The following SNRNP48 variants were observed in gnomAD, a reference collection of about 807,000 sequenced individuals.
The protein encoded by SNRNP48 is small nuclear ribonucleoprotein U11/U12 subunit 48.
In SNRNP48, 43 loss-of-function variants were observed where a neutral mutation model predicts 47.0. The ratio of observed to expected loss-of-function variants is 0.92; its 90% CI spans 0.72 to 1.18. SNRNP48 has a LOEUF of 1.18. Ranked by LOEUF, SNRNP48 falls within the 50% of genes most tolerant of loss-of-function variation. SNRNP48 has a pLI of 0.00. For synonymous variants in SNRNP48, 138 were observed against 144.0 expected (o/e 0.96, Z 0.30); for missense variants, 396 against 422.2 (o/e 0.94, Z 0.54).
chr6:7,604,702 C>A (rs1054631367), intron 6 of SNRNP48, among the ~76,000 whole-genome samples: 2 of 152,124 alleles, frequency 1.3e-5, no homozygotes, highest in African/African-American at 2.4e-5. Flanking sequence ...CAGTGACTAA[C>A]CCTGTGCTTG....
chr6:7,608,221 T>C (rs980274804), intron 8 of SNRNP48, among the ~76,000 whole-genome samples: 1 of 152,078 alleles, frequency 6.6e-6, no homozygotes, highest in Non-Finnish European at 1.5e-5. Context: ...CGAATTAAAG[T>C]GTTTTTTTTT....
At position 7,590,299 on chromosome 6, in the gene SNRNP48, G is replaced by C; in HGVS notation, c.42G>C (p.Leu14=). The change falls in exon 1 of 9, where the codon CTG becomes CTC. Residue 14 remains leucine, a synonymous_variant. Coordinates refer to ENST00000342415, the MANE Select transcript of SNRNP48 (RefSeq NM_152551.4). ...CACCTGTGGAGGAGCGGCGGCGGCT[G>C]CAGGAGGAGCTGAACGAGTTCGTGG... is the stretch of plus-strand genomic sequence containing the variant. ...EPPPVEERRR[L]QEELNEFVES... 1 of 1,379,364 alleles carries C rather than the reference G, an allele frequency of 7.2e-7. No individual in the cohort carries two copies. Among genetic ancestry groups the C allele is most frequent in the East Asian group, 2.8e-5 (1 of 36,112 alleles). 85.4% of individuals were successfully genotyped at this position (1,379,364 alleles called of 1,614,324 possible). A position where few individuals can be genotyped will look rare whatever the true frequency, so the allele number is the denominator to read the frequency against.
chr6:7,604,034 T>C (rs1760081654), intron 6 of SNRNP48, among the ~76,000 whole-genome samples: 1 of 152,138 alleles, frequency 6.6e-6, no homozygotes, highest in African/African-American at 2.4e-5. Context: ...AAGGGCTTCA[T>C]AGAGAAAAGC....
chr6:7,590,666 C>A lies in SNRNP48; in HGVS notation c.156+253C>A, dbSNP rs1581831415. ...TCGACCTCCAGTGCGGCGCTCCTCC[C>A]GCGCAACTTCGAGTTTAAAGAAAAC... is the stretch of plus-strand genomic sequence containing the variant. On this transcript the variant is annotated intron_variant, in intron 1 of 8. Coordinates refer to ENST00000342415, the MANE Select transcript of SNRNP48 (RefSeq NM_152551.4). 2.0e-5 allele frequency among the ~76,000 whole-genome samples: 3 copies of A among 152,204 alleles called. No homozygotes were observed. The East Asian group carries it at 5.8e-4, about 29-fold the overall frequency.
intron 4 of SNRNP48, among the ~76,000 whole-genome samples, chr6:7,596,430 T>C (rs1759905541): frequency 6.6e-6 from 1 of 152,234 alleles, no homozygotes; most frequent in South Asian, 2.1e-4. Flanking sequence ...CTTACCTTTT[T>C]TTCCTCATTC....
At chr6:7,593,191 T>A (rs1759848789) in intron 1 of SNRNP48, among the ~76,000 whole-genome samples, 1 of 152,054 alleles carries the variant, frequency 6.6e-6, no homozygotes, top group South Asian at 2.1e-4. Flanking sequence ...TATTAATACT[T>A]ACATGAAAAC....
At chr6:7,607,267 G>A (rs879423699) in intron 8 of SNRNP48, among the ~76,000 whole-genome samples, 13 of 152,166 alleles carry the variant, frequency 8.5e-5, no homozygotes, top group South Asian at 2.1e-4. Context: ...GCAGTGAGCC[G>A]TGTTCTCACC....
intron 1 of SNRNP48, among the ~76,000 whole-genome samples, chr6:7,593,166 A>G (rs1759848267): frequency 6.6e-6 from 1 of 152,098 alleles, no homozygotes; most frequent in African/African-American, 2.4e-5. Context: ...TTAAACAGCA[A>G]AAGGTCAGTG....
chr6:7,606,254 G>C, intron 8 of SNRNP48, 59 bp downstream of exon 8: 1 of 1,477,518 alleles, frequency 6.8e-7, no homozygotes, highest in South Asian at 1.4e-5. Flanking sequence ...AATAGAACAG[G>C]TTCTTCTGTT....
chr6:7,597,749 G>T lies in SNRNP48; in HGVS notation c.406+2648G>T, dbSNP rs75579650. On this transcript the variant is annotated intron_variant, in intron 4 of 8. Transcript: ENST00000342415. Reference sequence around the variant, plus strand: ...GAGCTTAGTTCTTTTCAAAAGCAAAGAATTACTTTGAATGAATAGTTAAGA... The same window carrying T: ...GAGCTTAGTTCTTTTCAAAAGCAAATAATTACTTTGAATGAATAGTTAAGA... 1.3e-3 allele frequency among the ~76,000 whole-genome samples: 200 copies of T among 151,936 alleles called. 2 individuals are homozygous for T. In the East Asian group the frequency reaches 0.033, roughly 25 times the overall value.
In SNRNP48 at chr6:7,605,482, G is replaced by A. The variant is rs778128352; in HGVS notation, c.802G>A (p.Glu268Lys). The part of the protein sequence containing the change: ...EEQEKAEDDA[E>K]KNEERRSASV... ...GCAAGAGAAGGCAGAGGATGATGCCGAAAAGTACGTCATTATCTTTATTGG... is the reference window on the plus strand; with the variant it reads ...GCAAGAGAAGGCAGAGGATGATGCCAAAAAGTACGTCATTATCTTTATTGG... Residue 268 changes from glutamate to lysine, a missense_variant, in exon 7 of 9, where the codon GAA (glutamate) becomes AAA (lysine). Coordinates refer to ENST00000342415, the MANE Select transcript of SNRNP48 (RefSeq NM_152551.4). 17 of 1,612,878 alleles carry A rather than the reference G, an allele frequency of 1.1e-5. No individual in the cohort carries two copies. Among genetic ancestry groups the A allele is most frequent in the African/African-American group, 5.3e-5 (4 of 74,898 alleles).
At chr6:7,592,802 T>C (rs1011672464) in intron 1 of SNRNP48, among the ~76,000 whole-genome samples, 1 of 151,832 alleles carries the variant, frequency 6.6e-6, no homozygotes, top group African/African-American at 2.4e-5. Context: ...AGGAGAGAGT[T>C]GATGATACCC....
At chr6:7,604,359 A>G (rs1760087057) in intron 6 of SNRNP48, among the ~76,000 whole-genome samples, 1 of 152,230 alleles carries the variant, frequency 6.6e-6, no homozygotes, top group Non-Finnish European at 1.5e-5. Flanking sequence ...CATTCTGAAA[A>G]GCAGATAGAA....
intron 4 of SNRNP48, among the ~76,000 whole-genome samples, chr6:7,599,228 T>C (rs1283106744): frequency 6.6e-6 from 1 of 152,174 alleles, no homozygotes; most frequent in Non-Finnish European, 1.5e-5. Flanking sequence ...CTATTTAATG[T>C]TGAATGTTAT....
At chr6:7,592,192 G>A (rs543097142) in intron 1 of SNRNP48, among the ~76,000 whole-genome samples, 21 of 152,212 alleles carry the variant, frequency 1.4e-4, no homozygotes, top group African/African-American at 3.6e-4. Flanking sequence ...GGGGGTTGGC[G>A]GGTGCGGGGA....
chr6:7,599,378 GTC>G (rs1759970649), intron 4 of SNRNP48, among the ~76,000 whole-genome samples: 1 of 152,108 alleles, frequency 6.6e-6, no homozygotes, highest in African/African-American at 2.4e-5. Flanking sequence ...TGCACTTCAT[GTC>G]TCTGAACAGT....
intron 1 of SNRNP48, 47 bp downstream of exon 1, chr6:7,590,460 G>T: frequency 7.9e-7 from 1 of 1,267,048 alleles, no homozygotes. Flanking sequence ...TCGGCCCGGG[G>T]TCTTCTCTGG....
chr6:7,608,705 T>C, intron 8 of SNRNP48, 120 bp from the exon 9 acceptor site: 1 of 437,194 alleles, frequency 2.3e-6, no homozygotes, highest in Non-Finnish European at 4.0e-6. Flanking sequence ...TCTTTTCAAA[T>C]AGAATGTTAA....
At position 7,602,681 on chromosome 6, in the gene SNRNP48, T is replaced by G; in HGVS notation, c.654T>G (p.Tyr218Ter). ...YLEILAEVRDYKRRRQSYRAK... is the reference protein window; with the variant it reads ...YLEILAEVRD ...AAATCCTGGCAGAAGTACGAGATTATAAAAGAAGACGCCAGTCCTATAGAG... is the reference window on the plus strand; with the variant it reads ...AAATCCTGGCAGAAGTACGAGATTAGAAAAGAAGACGCCAGTCCTATAGAG... The change falls in exon 6 of 9, where the codon TAT (tyrosine) becomes TAG (stop). Residue 218 changes from tyrosine to a stop codon, truncating the protein, a stop_gained. Coordinates refer to ENST00000342415, the MANE Select transcript of SNRNP48 (RefSeq NM_152551.4). LOFTEE classifies it high-confidence loss of function. 1 of 1,607,728 alleles carries G rather than the reference T, an allele frequency of 6.2e-7. No homozygotes were observed. The highest frequency in any genetic ancestry group is 1.1e-5 in the South Asian group (1 of 89,728).
Sources: gnomAD v4.1 joint callset for allele counts (sites outside exome capture counted in the v4.1 genomes callset) on GRCh38, gnomAD v4.1.1 for gene constraint, MANE v1.5 for transcripts, NCBI Gene and HGNC (gene_info 2026-07-23, HGNC 2026-07-21) for gene names.